The following RUNX3 variants were observed in gnomAD, a reference collection of about 807,000 sequenced individuals.
The protein encoded by RUNX3 is RUNX family transcription factor 3.
A neutral mutation model predicts 27.7 loss-of-function variants in RUNX3; 10 were observed. That is an observed-to-expected ratio of 0.36 (90% confidence interval 0.22 to 0.61). The LOEUF (loss-of-function observed/expected upper bound fraction) is 0.61. Among genes scored for constraint, RUNX3 ranks in the 20% least tolerant of loss-of-function variants. The probability of loss-of-function intolerance (pLI) is 0.72; values close to 1 mark genes in which losing one functional copy is unlikely to be tolerated. For missense variants in RUNX3, 469 were observed against 629.5 expected (o/e 0.75, Z 2.73); for synonymous variants, 270 against 269.2 (o/e 1.00, Z -0.03).
chr1:24,904,459 T>C lies in RUNX3; in HGVS notation c.704-1793A>G, dbSNP rs985740300. 6.6e-6 allele frequency among the ~76,000 whole-genome samples: 1 copy of C among 152,176 alleles called. No homozygotes were observed. The highest frequency in any genetic ancestry group is 2.1e-4 in the South Asian group (1 of 4,832). On this transcript the variant is annotated intron_variant, in intron 4 of 4. Transcript: ENST00000308873. The surrounding 1 kb of genome is among the most constrained non-coding windows in gnomAD (Gnocchi z 5.7). ...CTGGGACATCTGGGATGTTCCCTAG[T>C]AGGTCACTTGGCTGTCCCGGCCCCT...
intron 2 of RUNX3, among the ~76,000 whole-genome samples, chr1:24,958,293 T>C (rs150724842): frequency 6.6e-6 from 1 of 152,344 alleles, no homozygotes; most frequent in Non-Finnish European, 1.5e-5. Context: ...CCAGCTACCA[T>C]GCAGTTTAAG....
At chr1:24,954,196 C>T (rs1403422331) in intron 2 of RUNX3, among the ~76,000 whole-genome samples, 4 of 152,146 alleles carry the variant, frequency 2.6e-5, no homozygotes, top group African/African-American at 7.2e-5. Context: ...GGAAACACAC[C>T]GAATGATAGT....
chr1:24,928,012 C>T (rs530397039), intron 1 of RUNX3, among the ~76,000 whole-genome samples: 116 of 152,312 alleles, frequency 7.6e-4, no homozygotes, highest in African/African-American at 2.7e-3. Context: ...AAATCTAAGC[C>T]AGAGCTGTGA....
At chr1:24,960,675 G>A (rs1025654251) in intron 2 of RUNX3, among the ~76,000 whole-genome samples, 4 of 152,090 alleles carry the variant, frequency 2.6e-5, no homozygotes, top group African/African-American at 9.7e-5. Flanking sequence ...TGTGAGGGGG[G>A]GGTGCCCCAG....
At position 24,902,140 on chromosome 1, in the gene RUNX3, G is replaced by A. The variant is rs780748946; in HGVS notation, c.1230C>T (p.Ala410=). ...ALSTPGRMDE[A]VWRPY The stretch of plus-strand genomic sequence containing the variant: ...AGGGCGGTCAGTAGGGCCGCCACAC[G>A]GCCTCATCCATGCGGCCTGGCGTGC... The change falls in exon 5 of 5, where the codon GCC becomes GCT. Residue 410 remains alanine (A), a synonymous_variant. Transcript: ENST00000308873. The surrounding 1 kb of genome is among the most constrained non-coding windows in gnomAD (Gnocchi z 9.2). The A allele has an allele frequency of 2.6e-5, 40 of 1,556,196 alleles. No individual in the cohort carries two copies. In the East Asian group the frequency reaches 2.8e-4, roughly 11 times the overall value.
intron 2 of RUNX3, among the ~76,000 whole-genome samples, chr1:24,925,618 G>A (rs991379660): frequency 6.6e-6 from 1 of 152,176 alleles, no homozygotes; most frequent in African/African-American, 2.4e-5. Flanking sequence ...CAAACGCAGG[G>A]TGGCTGATAC....
At chr1:24,946,352 T>C (rs748176547) in intron 2 of RUNX3, among the ~76,000 whole-genome samples, 4 of 152,124 alleles carry the variant, frequency 2.6e-5, no homozygotes, top group East Asian at 1.9e-4. Context: ...ACTGTATGTA[T>C]AGATTTATTA....
chr1:24,950,841 C>G (rs922000577), intron 2 of RUNX3, among the ~76,000 whole-genome samples: 1 of 152,096 alleles, frequency 6.6e-6, no homozygotes, highest in Admixed American at 6.5e-5. Flanking sequence ...TGGAAGGGCC[C>G]CAGGAGAGCT....
At chr1:24,955,752 A>G (rs1314987516) in intron 2 of RUNX3, among the ~76,000 whole-genome samples, 2 of 152,322 alleles carry the variant, frequency 1.3e-5, no homozygotes, top group Admixed American at 6.5e-5. Context: ...TGGGACACTG[A>G]AAAACACTGG....
At chr1:24,903,366 G>A (rs1046162589) in intron 4 of RUNX3, among the ~76,000 whole-genome samples, 2 of 152,184 alleles carry the variant, frequency 1.3e-5, no homozygotes, top group South Asian at 2.1e-4. Flanking sequence ...GAGCCGACTC[G>A]TGGCCACACA....
intron 2 of RUNX3, among the ~76,000 whole-genome samples, chr1:24,939,760 C>T (rs1641432699): frequency 6.6e-6 from 1 of 152,214 alleles, no homozygotes; most frequent in African/African-American, 2.4e-5. Flanking sequence ...TCGATGGGGA[C>T]AAGGAGAGCC....
At chr1:24,938,388 G>T (rs1207178047) in intron 2 of RUNX3, among the ~76,000 whole-genome samples, 1 of 152,162 alleles carries the variant, frequency 6.6e-6, no homozygotes, top group African/African-American at 2.4e-5. Context: ...TCAGAGATTT[G>T]CCCACCGTCA....
chr1:24,943,865 T>C lies in RUNX3; in HGVS notation c.59-14013A>G, dbSNP rs1052833727. On this transcript the variant is annotated intron_variant, in intron 2 of 6. Transcript: ENST00000338888. The surrounding 1 kb of genome is among the most constrained non-coding windows in gnomAD (Gnocchi z 4.6). The stretch of plus-strand genomic sequence containing the variant: ...AGGAAGTTCTTTTGAACATCTAACC[T>C]GAATCCCTCGTTTGCAGGGAAAGCC... Among the ~76,000 whole-genome samples the C allele has an allele frequency of 6.6e-6, 1 of 152,200 alleles. No individual in the cohort carries two copies. Among genetic ancestry groups the C allele is most frequent in the Non-Finnish European group, 1.5e-5 (1 of 68,040 alleles).
In RUNX3 at chr1:24,916,219, A is replaced by G. The variant is rs1213664552; in HGVS notation, c.544+3021T>C. On this transcript the variant is annotated intron_variant, in intron 3 of 4. Coordinates refer to ENST00000308873, the MANE Select transcript of RUNX3 (RefSeq NM_004350.3). The surrounding 1 kb of genome is among the most constrained non-coding windows in gnomAD (Gnocchi z 4.8). The stretch of plus-strand genomic sequence containing the variant: ...AAGCCGGGAAAGGAAGTCCAGGAGC[A>G]CAAAAGGCCTGTAACAACCTGTGAA... Among the ~76,000 whole-genome samples the G allele has an allele frequency of 6.6e-6, 1 of 152,228 alleles. No individual in the cohort carries two copies. Among genetic ancestry groups the G allele is most frequent in the African/African-American group, 2.4e-5 (1 of 41,458 alleles).
chr1:24,899,827 G>A lies in RUNX3; in HGVS notation c.*2295C>T, dbSNP rs148016648. 2.2e-4 allele frequency: 34 copies of A among 152,568 alleles called. No individual in the cohort carries two copies. The highest frequency in any genetic ancestry group is 1.2e-4 in the Non-Finnish European group (8 of 68,038). 9.5% of individuals were successfully genotyped at this position (152,568 alleles called of 1,614,324 possible). A position where few individuals can be genotyped will look rare whatever the true frequency, so the allele number is the denominator to read the frequency against. ...TCCTTTCCTCGTGCTTCCTACATCA[G>A]TGTGTTTGCCTAGTACAACTTTAAC... On this transcript the variant is annotated 3_prime_UTR_variant, in exon 5 of 5. Transcript: ENST00000308873.
chr1:24,961,135 T>C (rs1460690253), intron 2 of RUNX3, among the ~76,000 whole-genome samples: 1 of 145,804 alleles, frequency 6.9e-6, no homozygotes, highest in Non-Finnish European at 1.5e-5. Flanking sequence ...TCTGATCCCT[T>C]AGCTCAAAGT....
intron 2 of RUNX3, among the ~76,000 whole-genome samples, chr1:24,938,442 G>A (rs1349226359): frequency 6.6e-6 from 1 of 152,192 alleles, no homozygotes; most frequent in Non-Finnish European, 1.5e-5. Flanking sequence ...TGAGGCTCCT[G>A]TCAGCTGGCC....
rs147230943 is a variant in RUNX3 at position 24,938,734 on chromosome 1, T to G, written c.59-8882A>C. 1.5e-4 allele frequency among the ~76,000 whole-genome samples: 23 copies of G among 152,254 alleles called. No individual in the cohort carries two copies. The East Asian group carries it at 4.2e-3, about 28-fold the overall frequency. On this transcript the variant is annotated intron_variant, in intron 2 of 6. Coordinates refer to the RUNX3 transcript ENST00000338888. ...GTGGTGAAGGCTCTGCCCTCATGAA[T>G]GGATTAGGCCCTCTTTGCCCTTCTG...
rs74698303 is a variant in RUNX3 at position 24,909,352 on chromosome 1, A to G, written c.545-1935T>C. ...ACCAGTTTCTTTCCAGACATTTTTC[A>G]TCTTCCATGAATGGAAAACGCAAAG... On this transcript the variant is annotated intron_variant, in intron 3 of 4. Transcript: ENST00000308873. Among the ~76,000 whole-genome samples, 934 of 152,238 alleles carry G rather than the reference A, an allele frequency of 6.1e-3. 11 individuals are homozygous for G. The highest frequency in any genetic ancestry group is 0.021 in the African/African-American group (890 of 41,532).
Sources: allele counts gnomAD v4.1 joint callset (sites outside exome capture counted in the v4.1 genomes callset), GRCh38; gene constraint gnomAD v4.1.1; non-coding constraint Gnocchi (gnomAD v3.1); transcripts MANE v1.5; gene names NCBI Gene and HGNC (gene_info 2026-07-23, HGNC 2026-07-21).